Variants in SLC25A13 observed in about 807,000 individuals in gnomAD.
SLC25A13 encodes the protein electrogenic aspartate/glutamate antiporter SLC25A13, mitochondrial.
In SLC25A13, 70 loss-of-function variants were observed where a neutral mutation model predicts 85.5. The observed-to-expected ratio is 0.82, with a 90% confidence interval of 0.68 to 1.00. SLC25A13 has a LOEUF of 1.00. SLC25A13 is among the 50% of genes least tolerant of loss of function. The pLI is 0.00. For missense variants in SLC25A13, 765 were observed against 819.8 expected, an observed-to-expected ratio of 0.93 and a Z score of 0.82; for synonymous variants, 259 against 288.7, an observed-to-expected ratio of 0.90 and a Z score of 1.04.
chr7:96,281,756 A>C (rs574975167), intron 2 of SLC25A13, among the ~76,000 whole-genome samples: 1 of 152,336 alleles, frequency 6.6e-6, no homozygotes, highest in South Asian at 2.1e-4. Context: ...TCATTTTTTT[A>C]GATGCAATAA....
chr7:96,169,757 T>C, intron 13 of SLC25A13: 1 of 441,598 alleles, frequency 2.3e-6, no homozygotes, highest in South Asian at 4.0e-5. Flanking sequence ...AGCAAAGATT[T>C]TTCAAAGGCC....
chr7:96,131,859 C>T lies in SLC25A13; in HGVS notation c.1475G>A (p.Arg492Gln), dbSNP rs769939259. The T allele has an allele frequency of 2.4e-5, 39 of 1,613,774 alleles. No individual in the cohort carries two copies. Among genetic ancestry groups the T allele is most frequent in the East Asian group, 2.2e-5 (1 of 44,872 alleles). The change falls in exon 15 of 18, where the codon CGG becomes CAG. Residue 492 changes from arginine (R) to glutamine (Q), a missense_variant. Physicochemically the swap from Arg to Gln is conservative, Grantham distance 43 (BLOSUM62 1). Coordinates refer to ENST00000265631, the MANE Select transcript of SLC25A13 (RefSeq NM_014251.3). Reference sequence around the variant, plus strand: ...GTAGATGGCCGAGAAAGGAATGTCCCGCAGAAAGCATGCTTTGGCACCCTG... The same window carrying T: ...GTAGATGGCCGAGAAAGGAATGTCCTGCAGAAAGCATGCTTTGGCACCCTG... Reference protein sequence around the residue: ...IYKGAKACFLRDIPFSAIYFP... With the variant: ...IYKGAKACFLQDIPFSAIYFP...
At chr7:96,316,914 A>C (rs771052263) in intron 1 of SLC25A13, among the ~76,000 whole-genome samples, 2 of 152,176 alleles carry the variant, frequency 1.3e-5, no homozygotes, top group African/African-American at 4.8e-5. Context: ...TGCTGGAGCC[A>C]GACTGGCAGG....
intron 3 of SLC25A13, among the ~76,000 whole-genome samples, chr7:96,237,679 G>C (rs1458140601): frequency 1.3e-5 from 2 of 152,188 alleles, no homozygotes; most frequent in Non-Finnish European, 2.9e-5. Context: ...GGGGGCCCTA[G>C]GAATGGAAGC....
intron 3 of SLC25A13, among the ~76,000 whole-genome samples, chr7:96,257,983 T>C (rs1030763194): frequency 5.9e-5 from 9 of 152,184 alleles, no homozygotes; most frequent in African/African-American, 1.7e-4. Context: ...ATTAGCTCAA[T>C]AGATGCAGAA....
At chr7:96,231,814 A>G (rs1386835283) in intron 4 of SLC25A13, among the ~76,000 whole-genome samples, 1 of 152,224 alleles carries the variant, frequency 6.6e-6, no homozygotes, top group Non-Finnish European at 1.5e-5. Context: ...GCATATGGAA[A>G]AAGGCTCAAC....
In SLC25A13 at chr7:96,263,643, C is replaced by T. The variant is rs113390830; in HGVS notation, c.212+13553G>A. On this transcript the variant is annotated intron_variant, in intron 3 of 17. Coordinates refer to ENST00000265631, the MANE Select transcript of SLC25A13 (RefSeq NM_014251.3). ...ATAACCCTGGATTCCCCTCTCACCC[C>T]GTATTTTAGCTCTTGGCTCGATGAC... 3.5e-3 allele frequency among the ~76,000 whole-genome samples: 529 copies of T among 152,214 alleles called. 1 individual carries two copies. Among genetic ancestry groups the T allele is most frequent in the African/African-American group, 0.012 (491 of 41,554 alleles).
chr7:96,135,885 G>C (rs1792267114), intron 14 of SLC25A13, among the ~76,000 whole-genome samples: 1 of 140,304 alleles, frequency 7.1e-6, no homozygotes, highest in Non-Finnish European at 1.5e-5. Flanking sequence ...TTTTAAACTG[G>C]TTTTCTAGGC....
At chr7:96,291,022 G>C (rs142505246) in intron 2 of SLC25A13, among the ~76,000 whole-genome samples, 3,161 of 152,208 alleles carry the variant, frequency 0.021, 66 homozygotes, top group African/African-American at 0.055. Context: ...TGACCACATA[G>C]TTGGAAGTAA....
At chr7:96,267,403 C>T (rs186870201) in intron 3 of SLC25A13, among the ~76,000 whole-genome samples, 1 of 152,240 alleles carries the variant, frequency 6.6e-6, no homozygotes, top group East Asian at 1.9e-4. Context: ...TTTATATAGG[C>T]CACATATTTC....
intron 4 of SLC25A13, among the ~76,000 whole-genome samples, chr7:96,214,500 G>A (rs1313116214): frequency 6.6e-6 from 1 of 152,238 alleles, no homozygotes; most frequent in African/African-American, 2.4e-5. Flanking sequence ...GCCCAGGCAG[G>A]CGGATCATTT....
intron 1 of SLC25A13, among the ~76,000 whole-genome samples, chr7:96,316,612 G>C (rs1049065388): frequency 2.0e-5 from 3 of 152,202 alleles, no homozygotes; most frequent in Non-Finnish European, 1.5e-5. Flanking sequence ...ACAAGCGTGA[G>C]AAATTACTTA....
chr7:96,252,374 A>C (rs1011811925), intron 3 of SLC25A13, among the ~76,000 whole-genome samples: 1 of 152,206 alleles, frequency 6.6e-6, no homozygotes, highest in Non-Finnish European at 1.5e-5. Context: ...AGCAACTGCA[A>C]GACAGAATCT....
At chr7:96,198,204 T>C (rs1795133416) in intron 5 of SLC25A13, among the ~76,000 whole-genome samples, 1 of 152,184 alleles carries the variant, frequency 6.6e-6, no homozygotes, top group African/African-American at 2.4e-5. Context: ...GTTTGCATCT[T>C]AGAGCCTCAG....
At chr7:96,230,613 A>AT (rs1796506968) in intron 4 of SLC25A13, among the ~76,000 whole-genome samples, 1 of 152,240 alleles carries the variant, frequency 6.6e-6, no homozygotes, top group Admixed American at 6.5e-5. Context: ...ATACCTGTTG[A>AT]TATCTCAAGA....
At chr7:96,284,948 T>C (rs563353932) in intron 2 of SLC25A13, among the ~76,000 whole-genome samples, 1 of 152,320 alleles carries the variant, frequency 6.6e-6, no homozygotes, top group East Asian at 1.9e-4. Flanking sequence ...TTGCTCTCCA[T>C]AGCTACTGGC....
At chr7:96,184,718 G>C (rs552862375) in intron 10 of SLC25A13, 9 of 637,150 alleles carry the variant, frequency 1.4e-5, no homozygotes, top group South Asian at 3.9e-5. Context: ...TCTGTAGATA[G>C]AGGAAAATGC....
intron 15 of SLC25A13, among the ~76,000 whole-genome samples, chr7:96,126,674 T>C (rs1791741597): frequency 1.3e-5 from 2 of 152,214 alleles, no homozygotes; most frequent in Admixed American, 6.5e-5. Context: ...CTGGGGCATC[T>C]CTCAGTCCAG....
At chr7:96,291,065 C>T (rs1319460641) in intron 2 of SLC25A13, among the ~76,000 whole-genome samples, 1 of 151,998 alleles carries the variant, frequency 6.6e-6, no homozygotes, top group East Asian at 1.9e-4. Context: ...AGAACAGAAA[C>T]TATAACAAAC....
Sources: allele counts gnomAD v4.1 joint callset (sites outside exome capture counted in the v4.1 genomes callset), GRCh38; gene constraint gnomAD v4.1.1; transcripts MANE v1.5; gene names NCBI Gene and HGNC (gene_info 2026-07-23, HGNC 2026-07-21).